Variants in NOVA1 observed in about 807,000 individuals in gnomAD.
NOVA1 encodes NOVA alternative splicing regulator 1.
NOVA1 carries 7 observed loss-of-function variants against 38.0 expected under a neutral mutation model. The ratio of observed to expected loss-of-function variants is 0.18; its 90% CI spans 0.10 to 0.35. The LOEUF (loss-of-function observed/expected upper bound fraction) is 0.35. Among genes scored for constraint, NOVA1 ranks in the 10% least tolerant of loss-of-function variants. NOVA1 has a pLI of 1.00. For synonymous variants in NOVA1, 270 were observed against 232.5 expected, an observed-to-expected ratio of 1.16 and a Z score of -1.47; for missense variants, 460 against 616.0, an observed-to-expected ratio of 0.75 and a Z score of 2.68.
At chr14:26,505,385 T>G (rs1258403293) in intron 2 of NOVA1, among the ~76,000 whole-genome samples, 1 of 152,056 alleles carries the variant, frequency 6.6e-6, no homozygotes, top group East Asian at 1.9e-4. Context: ...GGTTGTTTTC[T>G]AAGTGTGTGG....
Position 26,496,271 on chromosome 14 carries a change from G to T in NOVA1, c.281-16128C>A, listed in dbSNP as rs986278043. On this transcript the variant is annotated intron_variant, in intron 2 of 4. Transcript: ENST00000539517. ...AGTGATGGTGAGCATTTTTTCATGT[G>T]TTTTTTGGCTGCATAAATGTCTTCT... Among the ~76,000 whole-genome samples, 3 of 152,158 alleles carry T rather than the reference G, an allele frequency of 2.0e-5. No individual in the cohort carries two copies. In the East Asian group the frequency reaches 5.8e-4, roughly 29 times the overall value.
At chr14:26,511,873 G>A (rs8020023) in intron 2 of NOVA1, among the ~76,000 whole-genome samples, 49,034 of 151,900 alleles carry the variant, frequency 0.32, 9,224 homozygotes, top group African/African-American at 0.52. Flanking sequence ...CATAGTCTAG[G>A]TAGTCTAGTA....
At chr14:26,561,635 C>T (rs1009683503) in intron 2 of NOVA1, among the ~76,000 whole-genome samples, 4 of 152,082 alleles carry the variant, frequency 2.6e-5, no homozygotes, top group Admixed American at 2.6e-4. Context: ...TATCATAAAA[C>T]AAACTGTATT....
intron 3 of NOVA1, chr14:26,479,124 C>T (rs926068970): frequency 6.6e-6 from 1 of 151,776 alleles, no homozygotes; most frequent in Non-Finnish European, 1.5e-5. Flanking sequence ...CTGTGAATTA[C>T]TGAAGAATAA....
chr14:26,552,447 T>C (rs1377014450), intron 2 of NOVA1, among the ~76,000 whole-genome samples: 1 of 152,148 alleles, frequency 6.6e-6, no homozygotes, highest in Non-Finnish European at 1.5e-5. Context: ...AATATGCAGT[T>C]AGAAATAATA....
At chr14:26,455,146 A>G (rs1194669744) in intron 4 of NOVA1, among the ~76,000 whole-genome samples, 1 of 152,162 alleles carries the variant, frequency 6.6e-6, no homozygotes, top group Non-Finnish European at 1.5e-5. Flanking sequence ...CCAAGGCAGA[A>G]CAGTTTTCAT....
intron 3 of NOVA1, 37 bp downstream of exon 3, chr14:26,479,940 T>C: frequency 6.2e-7 from 1 of 1,605,700 alleles, no homozygotes. Flanking sequence ...TACTATGCTG[T>C]GGATATTTCT....
intron 3 of NOVA1, chr14:26,479,331 T>G (rs192793220): frequency 2.6e-5 from 4 of 152,180 alleles, no homozygotes; most frequent in Admixed American, 2.6e-4. Context: ...TCACCCATTA[T>G]TCAATCTTAA....
intron 2 of NOVA1, among the ~76,000 whole-genome samples, chr14:26,531,478 A>G (rs1199046431): frequency 1.3e-5 from 2 of 152,082 alleles, no homozygotes; most frequent in Non-Finnish European, 2.9e-5. Flanking sequence ...GTGGTGGCAC[A>G]TGCCTGTAAT....
chr14:26,529,559 A>C (rs1449505562), intron 2 of NOVA1, among the ~76,000 whole-genome samples: 2 of 152,212 alleles, frequency 1.3e-5, no homozygotes, highest in Admixed American at 6.5e-5. Flanking sequence ...TAGGCCACAC[A>C]GTGAATGGCT....
At chr14:26,478,387 AT>A (rs1885161369) in intron 3 of NOVA1, among the ~76,000 whole-genome samples, 1 of 151,974 alleles carries the variant, frequency 6.6e-6, no homozygotes. Flanking sequence ...TTAAAAAAAA[AT>A]CAAGATATTG....
At chr14:26,511,843 T>C (rs1046639131) in intron 2 of NOVA1, among the ~76,000 whole-genome samples, 20 of 151,754 alleles carry the variant, frequency 1.3e-4, no homozygotes, top group Middle Eastern at 3.2e-3. Context: ...GAAATTGAGA[T>C]TTTGATTGAA....
At chr14:26,514,689 A>T (rs547191699) in intron 2 of NOVA1, among the ~76,000 whole-genome samples, 39 of 151,974 alleles carry the variant, frequency 2.6e-4, no homozygotes, top group Middle Eastern at 3.4e-3. Context: ...GTATTATACC[A>T]GTACGGCCTT....
chr14:26,488,811 C>T (rs1886114506), intron 2 of NOVA1, among the ~76,000 whole-genome samples: 1 of 152,062 alleles, frequency 6.6e-6, no homozygotes, highest in Non-Finnish European at 1.5e-5. Context: ...CCATTTTTGA[C>T]AGTAATTTGT....
chr14:26,584,657 A>G (rs1296282206), intron 2 of NOVA1, among the ~76,000 whole-genome samples: 2 of 151,400 alleles, frequency 1.3e-5, no homozygotes, highest in Non-Finnish European at 1.5e-5. Flanking sequence ...ACCCCTGAAT[A>G]TAACAGAATT....
intron 2 of NOVA1, among the ~76,000 whole-genome samples, chr14:26,487,785 T>C (rs772248682): frequency 9.9e-5 from 15 of 152,162 alleles, no homozygotes; most frequent in Non-Finnish European, 2.2e-4. Context: ...CCAAGATTTA[T>C]TCCAAATCTG....
chr14:26,526,734 TAAA>T, intron 2 of NOVA1, among the ~76,000 whole-genome samples: 1 of 152,262 alleles, frequency 6.6e-6, no homozygotes, highest in South Asian at 2.1e-4. Context: ...GGATAAGAGC[TAAA>T]AACAATTTGT....
chr14:26,549,596 AC>A, intron 2 of NOVA1: 1 of 472,488 alleles, frequency 2.1e-6, no homozygotes, highest in African/African-American at 2.0e-5. Flanking sequence ...TGACCTCAAT[AC>A]ACTTTTAGAT....
At chr14:26,593,015 G>A (rs1893954611) in intron 2 of NOVA1, 1 of 151,690 alleles carries the variant, frequency 6.6e-6, no homozygotes, top group African/African-American at 2.4e-5. Flanking sequence ...AAACAGAAAA[G>A]GGGCTTCATG....
Sources: gnomAD v4.1 joint callset for allele counts (sites outside exome capture counted in the v4.1 genomes callset) on GRCh38, gnomAD v4.1.1 for gene constraint, MANE v1.5 for transcripts, NCBI Gene and HGNC (gene_info 2026-07-23, HGNC 2026-07-21) for gene names.